PRKCB: variants seen among roughly 807,000 people sequenced by gnomAD.
The protein encoded by PRKCB is protein kinase C beta type.
Under a neutral mutation model 81.5 loss-of-function variants are expected in PRKCB, and 13 were observed. The ratio of observed to expected loss-of-function variants is 0.16; its 90% CI spans 0.10 to 0.25. PRKCB has a LOEUF of 0.25. Among genes scored for constraint, PRKCB ranks in the 10% least tolerant of loss-of-function variants. PRKCB has a pLI of 1.00. For missense variants in PRKCB, 509 were observed against 875.7 expected (o/e 0.58, Z 5.29); for synonymous variants, 335 against 321.4 (o/e 1.04, Z -0.45).
intron 5 of PRKCB, among the ~76,000 whole-genome samples, chr16:24,089,151 T>G (rs1414289214): frequency 6.6e-6 from 1 of 152,240 alleles, no homozygotes; most frequent in Non-Finnish European, 1.5e-5. Context: ...TGCATGGGTA[T>G]TTTGAGAAAT....
Position 23,995,354 on chromosome 16 carries a change from G to T in PRKCB, c.288+6764G>T, listed in dbSNP as rs564652354. ...AGCTGCTTTGCCACTTGGGCCATCT[G>T]ACCCAGCAAATCCAATGGTGGTTGG... On this transcript the variant is annotated intron_variant, in intron 3 of 16. Coordinates refer to ENST00000643927, the MANE Select transcript of PRKCB (RefSeq NM_002738.7). Among the ~76,000 whole-genome samples the T allele has an allele frequency of 8.7e-4, 133 of 152,344 alleles. 1 individual carries two copies. Among genetic ancestry groups the T allele is most frequent in the African/African-American group, 3.0e-3 (123 of 41,582 alleles).
rs1269481792 is a variant in PRKCB at position 24,214,655 on chromosome 16, T to C, written c.1864-3T>C. On this transcript the variant is annotated splice_region_variant and splice_polypyrimidine_tract_variant and intron_variant, in intron 16 of 16. Coordinates refer to ENST00000643927, the MANE Select transcript of PRKCB (RefSeq NM_002738.7). ...CACAAGTTCTTTTCTTCCCCTCTCATAGTGTGGGCGAAATGCTGAAAACTT... is the reference window on the plus strand; with the variant it reads ...CACAAGTTCTTTTCTTCCCCTCTCACAGTGTGGGCGAAATGCTGAAAACTT... The C allele has an allele frequency of 1.9e-6, 3 of 1,613,772 alleles. No homozygotes were observed. The highest frequency in any genetic ancestry group is 2.2e-5 in the East Asian group (1 of 44,872).
chr16:24,014,447 C>T (rs1965249786), intron 3 of PRKCB, among the ~76,000 whole-genome samples: 1 of 152,178 alleles, frequency 6.6e-6, no homozygotes, highest in Non-Finnish European at 1.5e-5. Context: ...TGAACAGCCT[C>T]CACCAGAACT....
intron 2 of PRKCB, among the ~76,000 whole-genome samples, chr16:23,961,372 T>C (rs1197731387): frequency 6.6e-6 from 1 of 152,246 alleles, no homozygotes; most frequent in Non-Finnish European, 1.5e-5. Flanking sequence ...AGGGAAGATA[T>C]GATCAAGGTG....
chr16:24,018,554 G>C (rs1035842817), intron 3 of PRKCB, among the ~76,000 whole-genome samples: 1 of 152,190 alleles, frequency 6.6e-6, no homozygotes. Context: ...GCTTAGATGT[G>C]GCTACTAATT....
At chr16:23,891,211 A>G (rs1286921979) in intron 2 of PRKCB, among the ~76,000 whole-genome samples, 1 of 151,810 alleles carries the variant, frequency 6.6e-6, no homozygotes, top group Non-Finnish European at 1.5e-5. Flanking sequence ...TAATTTTAAA[A>G]TTTGTATTTA....
In PRKCB at chr16:24,180,816, T is replaced by A; in HGVS notation, c.1421T>A (p.Leu474His). ...GACCTAAAACTTGACAACGTGATGC[T>A]CGATTCTGAGGGACACATCAAGATT... is the stretch of plus-strand genomic sequence containing the variant. Reference protein sequence around the residue: ...YRDLKLDNVMLDSEGHIKIAD... With the variant: ...YRDLKLDNVMHDSEGHIKIAD... The change falls in exon 13 of 17, where the codon CTC becomes CAC. Residue 474 changes from leucine (L) to histidine (H), a missense_variant. By Grantham distance (99) the Leu-to-His change is moderately conservative. Coordinates refer to ENST00000643927, the MANE Select transcript of PRKCB (RefSeq NM_002738.7). 1 of 1,614,190 alleles carries A rather than the reference T, an allele frequency of 6.2e-7. No individual in the cohort carries two copies. The highest frequency in any genetic ancestry group is 1.1e-5 in the South Asian group (1 of 91,080).
intron 9 of PRKCB, among the ~76,000 whole-genome samples, chr16:24,129,711 C>CATCA (rs71381643): frequency 0.38 from 58,260 of 151,464 alleles, 11,645 homozygotes; most frequent in African/African-American, 0.5. Context: ...GTCTACGTAT[C>CATCA]ATCAATCAAT....
chr16:23,861,532 G>A (rs1962663747), intron 2 of PRKCB, among the ~76,000 whole-genome samples: 1 of 152,100 alleles, frequency 6.6e-6, no homozygotes, highest in African/African-American at 2.4e-5. Flanking sequence ...TCCAGGGTTG[G>A]TTTAATCAAA....
chr16:24,208,130 C>T, intron 16 of PRKCB: 1 of 152,374 alleles, frequency 6.6e-6, no homozygotes, highest in Non-Finnish European at 1.5e-5. Flanking sequence ...CTTTAGCTGG[C>T]CATGGTGGTG....
chr16:24,130,373 G>A (rs1176297309), intron 9 of PRKCB, among the ~76,000 whole-genome samples: 1 of 152,136 alleles, frequency 6.6e-6, no homozygotes, highest in African/African-American at 2.4e-5. Flanking sequence ...GTGAGAAAGT[G>A]GCTCGAGCTA....
At chr16:23,875,592 C>CACACATATGTGTATATCAA (rs1962990117) in intron 2 of PRKCB, among the ~76,000 whole-genome samples, 1 of 26,768 alleles carries the variant, frequency 3.7e-5, no homozygotes, top group African/African-American at 1.2e-4. Context: ...ATGTATATCA[C>CACACATATGTGTATATCAA]ACACATATGT....
intron 5 of PRKCB, among the ~76,000 whole-genome samples, chr16:24,042,690 C>CTTT (rs1261563276): frequency 2.1e-5 from 3 of 140,054 alleles, no homozygotes; most frequent in African/African-American, 7.8e-5. Flanking sequence ...TGTAGGGTTT[C>CTTT]TTTTTTTTTT....
chr16:23,983,045 C>T (rs1231666736), intron 2 of PRKCB, among the ~76,000 whole-genome samples: 2 of 151,470 alleles, frequency 1.3e-5, no homozygotes, highest in African/African-American at 4.9e-5. Flanking sequence ...GGGCTCTTAA[C>T]TGGGTACCTG....
At chr16:23,980,573 AGT>A (rs1964683874) in intron 2 of PRKCB, among the ~76,000 whole-genome samples, 1 of 152,200 alleles carries the variant, frequency 6.6e-6, no homozygotes, top group Non-Finnish European at 1.5e-5. Flanking sequence ...TAGTAAAATG[AGT>A]GTTCAAACGA....
chr16:24,037,641 A>G (rs545060463), intron 5 of PRKCB, among the ~76,000 whole-genome samples: 1 of 152,180 alleles, frequency 6.6e-6, no homozygotes, highest in East Asian at 1.9e-4. Context: ...GGCACCTCCT[A>G]TGGGCATTCC....
chr16:24,086,187 T>C (rs1015203462), intron 5 of PRKCB, among the ~76,000 whole-genome samples: 4 of 151,938 alleles, frequency 2.6e-5, no homozygotes, highest in Admixed American at 2.0e-4. Context: ...TTAGAAGAAG[T>C]AATAAGTAAA....
intron 2 of PRKCB, among the ~76,000 whole-genome samples, chr16:23,876,366 G>A (rs1037253880): frequency 1.3e-5 from 2 of 152,092 alleles, no homozygotes; most frequent in South Asian, 2.1e-4. Flanking sequence ...CATATTTTCC[G>A]TCATTCCCAA....
At chr16:24,019,200 A>G (rs1311537828) in intron 3 of PRKCB, among the ~76,000 whole-genome samples, 1 of 144,438 alleles carries the variant, frequency 6.9e-6, no homozygotes, top group African/African-American at 2.6e-5. Context: ...GTATCCTGCC[A>G]GAGGTGTAAT....
Sources: gnomAD v4.1 joint callset for allele counts (sites outside exome capture counted in the v4.1 genomes callset) on GRCh38, gnomAD v4.1.1 for gene constraint, MANE v1.5 for transcripts, NCBI Gene and HGNC (gene_info 2026-07-23, HGNC 2026-07-21) for gene names.